The following ADAMTS19 variants were observed in gnomAD, a reference collection of about 807,000 sequenced individuals.
ADAMTS19 encodes the protein A disintegrin and metalloproteinase with thrombospondin motifs 19.
A neutral mutation model predicts 153.3 loss-of-function variants in ADAMTS19; 93 were observed. The ratio of observed to expected loss-of-function variants is 0.61; its 90% CI spans 0.51 to 0.72. The LOEUF is 0.72. Among genes scored for constraint, ADAMTS19 ranks in the 30% least tolerant of loss-of-function variants. The pLI, the probability that ADAMTS19 is intolerant of heterozygous loss-of-function variation, is 0.00. For missense variants in ADAMTS19, 1,482 were observed against 1,552.1 expected (o/e 0.95, Z 0.76); for synonymous variants, 600 against 556.6 (o/e 1.08, Z -1.10).
chr5:129,502,295 G>C lies in ADAMTS19; in HGVS notation c.748-6782G>C, dbSNP rs75992884. On this transcript the variant is annotated intron_variant, in intron 2 of 22. Coordinates refer to ENST00000274487, the MANE Select transcript of ADAMTS19 (RefSeq NM_133638.6). ...AAATTTCTGAAGTTTGGTGATTTGGGGGTGGGGACTAGAATGTAAGTAAAA... is the reference window on the plus strand; with the variant it reads ...AAATTTCTGAAGTTTGGTGATTTGGCGGTGGGGACTAGAATGTAAGTAAAA... Among the ~76,000 whole-genome samples, 882 of 152,196 alleles carry C rather than the reference G, an allele frequency of 5.8e-3. 13 individuals are homozygous for C. The highest frequency in any genetic ancestry group is 0.02 in the Middle Eastern group (6 of 294).
At chr5:129,621,364 T>C (rs972104229) in intron 9 of ADAMTS19, among the ~76,000 whole-genome samples, 3 of 152,162 alleles carry the variant, frequency 2.0e-5, no homozygotes, top group African/African-American at 7.2e-5. Context: ...CAGTAAGCAA[T>C]ATGCAAAGTA....
intron 8 of ADAMTS19, among the ~76,000 whole-genome samples, chr5:129,608,048 C>T (rs1348528937): frequency 7.2e-6 from 1 of 138,620 alleles, no homozygotes; most frequent in East Asian, 2.1e-4. Context: ...TGTATATATA[C>T]ACACAACAGA....
chr5:129,610,716 T>G (rs1029084203), intron 8 of ADAMTS19, among the ~76,000 whole-genome samples: 1 of 152,144 alleles, frequency 6.6e-6, no homozygotes, highest in African/African-American at 2.4e-5. Flanking sequence ...TGGTTCCAAG[T>G]CTTTGCTATT....
intron 3 of ADAMTS19, among the ~76,000 whole-genome samples, chr5:129,511,978 A>G (rs888940124): frequency 6.6e-6 from 1 of 152,010 alleles, no homozygotes; most frequent in Non-Finnish European, 1.5e-5. Context: ...GAAAAAGTAT[A>G]AAGGCATGAG....
chr5:129,643,445 G>A (rs1752917779), intron 11 of ADAMTS19, among the ~76,000 whole-genome samples: 1 of 151,692 alleles, frequency 6.6e-6, no homozygotes, highest in South Asian at 2.1e-4. Flanking sequence ...GTTACCTCTT[G>A]GGAGGGAAGT....
intron 19 of ADAMTS19, among the ~76,000 whole-genome samples, chr5:129,699,436 AAAAAG>A (rs1306746192): frequency 6.6e-6 from 1 of 152,042 alleles, no homozygotes; most frequent in Non-Finnish European, 1.5e-5. Flanking sequence ...AAAAAAAAAA[AAAAAG>A]AAAGACATGT....
chr5:129,734,820 G>C lies in ADAMTS19; in HGVS notation c.3313-112G>C. 3 of 948,684 alleles carry C rather than the reference G, an allele frequency of 3.2e-6. No homozygotes were observed. In the South Asian group the frequency reaches 7.3e-5, roughly 23 times the overall value. The allele number at this position is 948,684 out of a possible 1,614,324, so 58.8% of individuals were successfully genotyped here. On this transcript the variant is annotated intron_variant, in intron 21 of 22. Coordinates refer to ENST00000274487, the MANE Select transcript of ADAMTS19 (RefSeq NM_133638.6). Reference sequence around the variant, plus strand: ...TTTTGCATTGACTGTGGATGTTGCAGCTCATATTTAATTTTAAGAAACATT... The same window carrying C: ...TTTTGCATTGACTGTGGATGTTGCACCTCATATTTAATTTTAAGAAACATT...
chr5:129,524,710 C>T (rs1483180983), intron 3 of ADAMTS19, among the ~76,000 whole-genome samples: 1 of 151,046 alleles, frequency 6.6e-6, no homozygotes, highest in African/African-American at 2.4e-5. Context: ...ACATGTACAC[C>T]TATGTAACAA....
intron 15 of ADAMTS19, among the ~76,000 whole-genome samples, chr5:129,662,747 T>C (rs1166527413): frequency 1.3e-5 from 2 of 152,138 alleles, no homozygotes; most frequent in Non-Finnish European, 2.9e-5. Flanking sequence ...CTGACTGTCT[T>C]TAGTCACCTT....
chr5:129,663,582 G>A (rs1432231197), intron 15 of ADAMTS19, among the ~76,000 whole-genome samples: 1 of 151,908 alleles, frequency 6.6e-6, no homozygotes, highest in African/African-American at 2.4e-5. Flanking sequence ...ACTTTCTTTT[G>A]GTTACTAAGT....
intron 21 of ADAMTS19, among the ~76,000 whole-genome samples, chr5:129,727,241 C>T (rs997314685): frequency 6.6e-6 from 1 of 152,166 alleles, no homozygotes; most frequent in African/African-American, 2.4e-5. Context: ...TTATCCAGGA[C>T]TGTCCCAGTA....
chr5:129,737,323 T>A lies in ADAMTS19; in HGVS notation c.*105T>A. 1 of 1,167,494 alleles carries A rather than the reference T, an allele frequency of 8.6e-7. No homozygotes were observed. The highest frequency in any genetic ancestry group is 1.1e-6 in the Non-Finnish European group (1 of 897,016). The allele number at this position is 1,167,494 out of a possible 1,614,324, so 72.3% of individuals were successfully genotyped here. The stretch of plus-strand genomic sequence containing the variant: ...AAATATTATCAGATTACATATAATT[T>A]AATCAAATTAATTTATTTTTTTGCC... On this transcript the variant is annotated 3_prime_UTR_variant, in exon 23 of 23. Coordinates refer to ENST00000274487, the MANE Select transcript of ADAMTS19 (RefSeq NM_133638.6).
At chr5:129,685,191 AGACTTTATGTATCCTTG>A (rs1355766040) in intron 18 of ADAMTS19, among the ~76,000 whole-genome samples, 1 of 152,070 alleles carries the variant, frequency 6.6e-6, no homozygotes, top group African/African-American at 2.4e-5. Context: ...TAGTCACCAA[AGACTTTATGTATCCTTG>A]GCATTTAAAA....
At chr5:129,494,452 G>A (rs1256939984) in intron 2 of ADAMTS19, among the ~76,000 whole-genome samples, 1 of 152,070 alleles carries the variant, frequency 6.6e-6, no homozygotes, top group Non-Finnish European at 1.5e-5. Context: ...ATGTACTAGT[G>A]CTCAGTCTTA....
chr5:129,601,018 G>A (rs1234585297), intron 8 of ADAMTS19, among the ~76,000 whole-genome samples: 2 of 151,968 alleles, frequency 1.3e-5, no homozygotes, highest in East Asian at 1.9e-4. Context: ...TTACAGGTGC[G>A]TGCCACCACA....
At position 129,461,090 on chromosome 5, in the gene ADAMTS19, C is replaced by T. The variant is rs529763830; in HGVS notation, c.92-12C>T. The T allele has an allele frequency of 1.3e-3, 1,835 of 1,385,756 alleles. 47 individuals are homozygous for T. The South Asian group carries it at 0.029, about 22-fold the overall frequency. 85.8% of individuals were successfully genotyped at this position (1,385,756 alleles called of 1,614,324 possible). A position where few individuals can be genotyped will look rare whatever the true frequency, so the allele number is the denominator to read the frequency against. ...ACTTTAAGCCCCGCACTTCTGTCTG[C>T]CCCGCCCGCAGAGCTGCAGTTCGCC... On this transcript the variant is annotated splice_polypyrimidine_tract_variant and intron_variant, in intron 1 of 22. Coordinates refer to ENST00000274487, the MANE Select transcript of ADAMTS19 (RefSeq NM_133638.6). This position sits in a 1 kb window ranked among gnomAD's most constrained non-coding sequence, Gnocchi z 4.6.
Position 129,527,825 on chromosome 5 carries a change from A to G in ADAMTS19, c.1164A>G (p.Glu388=), listed in dbSNP as rs61749629. 53,623 of 1,578,950 alleles carry G rather than the reference A, an allele frequency of 0.034. 1,119 individuals are homozygous for G. The highest frequency in any genetic ancestry group is 0.066 in the Middle Eastern group (389 of 5,894). The part of the protein sequence containing the change: ...LRVIKLILLH[E]TPPELYIGHH... ...TGATAAAGCTTATTCTGCTCCATGA[A>G]ACTCCAGTAAGAAAGTCTTGAGTTT... The change falls in exon 5 of 23, where the codon GAA becomes GAG. Residue 388 remains glutamate, a synonymous_variant. Transcript: ENST00000274487.
intron 8 of ADAMTS19, among the ~76,000 whole-genome samples, chr5:129,603,543 C>A (rs1226694929): frequency 6.6e-6 from 1 of 151,950 alleles, no homozygotes; most frequent in Admixed American, 6.6e-5. Flanking sequence ...GTAAACTAAC[C>A]CTTGCATTAT....
At chr5:129,614,041 T>G (rs1309525538) in intron 8 of ADAMTS19, among the ~76,000 whole-genome samples, 2 of 152,086 alleles carry the variant, frequency 1.3e-5, no homozygotes, top group Non-Finnish European at 2.9e-5. Flanking sequence ...GAAGCAATAA[T>G]TAATAGCCTA....
Sources: allele counts gnomAD v4.1 joint callset (sites outside exome capture counted in the v4.1 genomes callset), GRCh38; gene constraint gnomAD v4.1.1; non-coding constraint Gnocchi (gnomAD v3.1); transcripts MANE v1.5; gene names NCBI Gene and HGNC (gene_info 2026-07-23, HGNC 2026-07-21).